Variants in RIPOR1 observed in about 807,000 individuals in gnomAD.
RIPOR1 encodes rho family-interacting cell polarization regulator 1.
Under a neutral mutation model 116.5 loss-of-function variants are expected in RIPOR1, and 58 were observed. That is an observed-to-expected ratio of 0.50 (90% CI 0.40 to 0.62). The LOEUF (loss-of-function observed/expected upper bound fraction) is 0.62, where lower values mean the gene tolerates loss of function less well. Among genes scored for constraint, RIPOR1 ranks in the 20% least tolerant of loss-of-function variants. The pLI is 0.00. For synonymous variants in RIPOR1, 605 were observed against 650.0 expected (o/e 0.93, Z 1.05); for missense variants, 1,372 against 1,586.2 (o/e 0.86, Z 2.29).
Position 67,546,527 on chromosome 16 carries a change from C to A in RIPOR1, c.*64C>A. ...ACTTTCAGGGCTCACCAGGCACTGG[C>A]AGGGAGGGTAAGGGCTGGCTCCAGA... On this transcript the variant is annotated 3_prime_UTR_variant, in exon 22 of 22. Coordinates refer to ENST00000042381, the MANE Select transcript of RIPOR1 (RefSeq NM_024519.4). 7.2e-7 allele frequency: 1 copy of A among 1,386,104 alleles called. No homozygotes were observed. Among genetic ancestry groups the A allele is most frequent in the Non-Finnish European group, 1.0e-6 (1 of 979,286 alleles). The allele number at this position is 1,386,104 out of a possible 1,614,324, so 85.9% of individuals were successfully genotyped here.
At position 67,542,913 on chromosome 16, in the gene RIPOR1, A is replaced by T. The variant is rs1310947524; in HGVS notation, c.2127A>T (p.Pro709=). ...CTGACTCCCTTCCCTGTAGTCCCCC[A>T]GTCTCCAATTCCTACACTCAGGCAG... ...PGTDSLPCSP[P]VSNSYTQADP... The change falls in exon 13 of 22, where the codon CCA becomes CCT. Residue 709 remains proline, a synonymous_variant. Coordinates refer to ENST00000042381, the MANE Select transcript of RIPOR1 (RefSeq NM_024519.4). The surrounding 1 kb of genome is among the most constrained non-coding windows in gnomAD (Gnocchi z 4.6). 6.2e-7 allele frequency: 1 copy of T among 1,605,738 alleles called. No individual in the cohort carries two copies. Among genetic ancestry groups the T allele is most frequent in the African/African-American group, 1.3e-5 (1 of 74,364 alleles).
rs1597655481 is a variant in RIPOR1, at chr16:67,544,224, G to A, written c.2601-75G>A. Reference sequence around the variant, plus strand: ...CTTCTTCCTTTCTGGCATGGGGGAAGCTTAATAAAAATAAACGCTGGTGAC... The same window carrying A: ...CTTCTTCCTTTCTGGCATGGGGGAAACTTAATAAAAATAAACGCTGGTGAC... On this transcript the variant is annotated intron_variant, in intron 14 of 21. Coordinates refer to ENST00000042381, the MANE Select transcript of RIPOR1 (RefSeq NM_024519.4). This position sits in a 1 kb window ranked among gnomAD's most constrained non-coding sequence, Gnocchi z 5.1. 2 of 1,524,086 alleles carry A rather than the reference G, an allele frequency of 1.3e-6. No homozygotes were observed. Among genetic ancestry groups the A allele is most frequent in the African/African-American group, 1.4e-5 (1 of 72,520 alleles). The allele number at this position is 1,524,086 out of a possible 1,614,324, so 94.4% of individuals were successfully genotyped here.
At chr16:67,534,529 CAT>C (rs1485803366) in intron 1 of RIPOR1, among the ~76,000 whole-genome samples, 1 of 152,348 alleles carries the variant, frequency 6.6e-6, no homozygotes, top group African/African-American at 2.4e-5. Flanking sequence ...AGAACACACT[CAT>C]ATAGAATCAG....
At position 67,543,142 on chromosome 16, in the gene RIPOR1, G is replaced by A. The variant is rs751110617; in HGVS notation, c.2356G>A (p.Gly786Arg). Residue 786 changes from glycine to arginine, a missense_variant, in exon 13 of 22, where the codon GGG (glycine) becomes AGG (arginine). By Grantham distance (125) the Gly-to-Arg change is moderately radical. Around this residue, in one of 3 missense-constraint regions of RIPOR1, gnomAD observed 1,005 missense variants for 1,144.7 expected, o/e 0.88. Coordinates refer to ENST00000042381, the MANE Select transcript of RIPOR1 (RefSeq NM_024519.4). The surrounding 1 kb of genome is among the most constrained non-coding windows in gnomAD (Gnocchi z 4.7). ...TPVPTAAGGSGDRSLEEALGA... is the reference protein window; with the variant it reads ...TPVPTAAGGSRDRSLEEALGA... ...AGTCCCAACGGCAGCCGGAGGGTCT[G>A]GGGACAGGAGCCTGGAGGAGGCACT... is the stretch of plus-strand genomic sequence containing the variant. 9.8e-6 allele frequency: 15 copies of A among 1,530,504 alleles called. No homozygotes were observed. The East Asian group carries it at 1.6e-4, about 16-fold the overall frequency. 94.8% of individuals were successfully genotyped at this position (1,530,504 alleles called of 1,614,324 possible).
chr16:67,538,373 G>A (rs1597637047), intron 1 of RIPOR1, 51 bp from the exon 2 acceptor site: 8 of 1,520,226 alleles, frequency 5.3e-6, no homozygotes, highest in African/African-American at 2.8e-5. Context: ...CTGCGTGGGA[G>A]AGGGCTTCGG....
intron 1 of RIPOR1, among the ~76,000 whole-genome samples, chr16:67,520,415 A>T (rs1323974021): frequency 7.9e-6 from 1 of 126,680 alleles, no homozygotes; most frequent in Non-Finnish European, 1.5e-5. Context: ...GAAGGAAGGG[A>T]TGGAAAAGAG....
upstream of RIPOR1, chr16:67,528,323 G>A (rs919368498): frequency 1.3e-5 from 2 of 152,290 alleles, no homozygotes; most frequent in African/African-American, 4.8e-5. Flanking sequence ...TTACCAGCCA[G>A]ACAGTGGCAG....
rs984848931 is a variant in RIPOR1 at position 67,541,085 on chromosome 16, T to A, written c.802-345T>A. 1.3e-5 allele frequency among the ~76,000 whole-genome samples: 2 copies of A among 151,790 alleles called. No homozygotes were observed. The highest frequency in any genetic ancestry group is 1.5e-5 in the Non-Finnish European group (1 of 67,938). Reference sequence around the variant, plus strand: ...ATGTGTCTGTCTATCTATCTAGGAGTTGGCGGGTCTCACTCTGTCACCCAG... The same window carrying A: ...ATGTGTCTGTCTATCTATCTAGGAGATGGCGGGTCTCACTCTGTCACCCAG... On this transcript the variant is annotated intron_variant, in intron 10 of 21. Transcript: ENST00000042381. This position sits in a 1 kb window ranked among gnomAD's most constrained non-coding sequence, Gnocchi z 4.6.
At chr16:67,522,583 C>G (rs915342734) in intron 1 of RIPOR1, among the ~76,000 whole-genome samples, 2 of 152,112 alleles carry the variant, frequency 1.3e-5, no homozygotes, top group African/African-American at 2.4e-5. Context: ...GATCTGCCCG[C>G]CTCAGCCACC....
chr16:67,526,345 A>G (rs569891499), upstream of RIPOR1, among the ~76,000 whole-genome samples: 26 of 152,328 alleles, frequency 1.7e-4, 1 homozygote, highest in South Asian at 3.5e-3. Flanking sequence ...CAGGGGCCGC[A>G]GAATAAGTGC....
Position 67,545,484 on chromosome 16 carries a change from C to T in RIPOR1, c.3140C>T (p.Thr1047Ile), listed in dbSNP as rs745868491. The T allele has an allele frequency of 1.2e-6, 2 of 1,614,040 alleles. No individual in the cohort carries two copies. The highest frequency in any genetic ancestry group is 1.1e-5 in the South Asian group (1 of 91,088). The change falls in exon 18 of 22, where the codon ACC (threonine) becomes ATC (isoleucine). Residue 1047 changes from threonine (T) to isoleucine (I), a missense_variant. Thr to Ile is a moderately conservative substitution (Grantham distance 89). Around this residue, in one of 3 missense-constraint regions of RIPOR1, gnomAD observed 1,005 missense variants for 1,144.7 expected, o/e 0.88. Transcript: ENST00000042381. This position sits in a 1 kb window ranked among gnomAD's most constrained non-coding sequence, Gnocchi z 4.8. ...TTCCAGTTCTGGAGTTTTGTGGAAA[C>T]CTTGGACAGCCCCACCATGGAGGCC... is the stretch of plus-strand genomic sequence containing the variant. ...TVFQFWSFVETLDSPTMEAYV... is the reference protein window; with the variant it reads ...TVFQFWSFVEILDSPTMEAYV...
chr16:67,527,197 G>A (rs1055688541), upstream of RIPOR1, among the ~76,000 whole-genome samples: 6 of 152,296 alleles, frequency 3.9e-5, no homozygotes, highest in East Asian at 9.6e-4. Flanking sequence ...GCCAAGGTGG[G>A]TGGATCGCTT....
chr16:67,542,949 C>T lies in RIPOR1; in HGVS notation c.2163C>T (p.Ala721=), dbSNP rs1431010754. 5 of 1,585,578 alleles carry T rather than the reference C, an allele frequency of 3.2e-6. No individual in the cohort carries two copies. The highest frequency in any genetic ancestry group is 3.4e-4 in the Middle Eastern group (2 of 5,896). ...CCTACACTCAGGCAGACCCTATGGC[C>T]CCCAGAACTCCCCACCCAAGTCCTG... is the stretch of plus-strand genomic sequence containing the variant. The part of the protein sequence containing the change: ...SNSYTQADPM[A]PRTPHPSPAH... The change falls in exon 13 of 22, where the codon GCC becomes GCT. Residue 721 remains alanine, a synonymous_variant. Transcript: ENST00000042381. The surrounding 1 kb of genome is among the most constrained non-coding windows in gnomAD (Gnocchi z 4.6).
intron 1 of RIPOR1, among the ~76,000 whole-genome samples, chr16:67,519,888 C>A (rs889420769): frequency 1.3e-5 from 2 of 151,442 alleles, no homozygotes; most frequent in East Asian, 3.9e-4. Flanking sequence ...ATGGTGAAAC[C>A]CTGTCTCTAC....
rs11410499 is a variant in RIPOR1, at chr16:67,533,804, CTT to C, written c.-23-4603_-23-4602del. Among the ~76,000 whole-genome samples the C allele has an allele frequency of 7.6e-3, 926 of 121,262 alleles. 2 individuals carry two copies. Among genetic ancestry groups the C allele is most frequent in the African/African-American group, 0.014 (467 of 32,346 alleles). The allele number at this position is 121,262 out of a possible 152,430, so 79.6% of individuals were successfully genotyped here. A position where few individuals can be genotyped will look rare whatever the true frequency, so the allele number is the denominator to read the frequency against. ...CAAAGACAGAAGGTCCACAAGCAGT[CTT>C]TTTTTTTTTTTTTTTTCTGAGATGG... On this transcript the variant is annotated intron_variant, in intron 1 of 21. Transcript: ENST00000042381.
In RIPOR1 at chr16:67,540,630, G is replaced by C. The variant is rs1306713066; in HGVS notation, c.727G>C (p.Gly243Arg). Residue 243 changes from glycine (G) to arginine (R), a missense_variant, in exon 10 of 22, where the codon GGT becomes CGT. Physicochemically the swap from Gly to Arg is moderately radical, Grantham distance 125 (BLOSUM62 -2). Transcript: ENST00000042381. The surrounding 1 kb of genome is among the most constrained non-coding windows in gnomAD (Gnocchi z 4.7). ...QRWKLRGRIE[G>R]SGKQVWDSEE... ...CTGGAAACTACGGGGCCGAATTGAG[G>C]GTAGTGGAAAGCAGGTGTGGGACAG... 1 of 1,613,912 alleles carries C rather than the reference G, an allele frequency of 6.2e-7. No homozygotes were observed. The highest frequency in any genetic ancestry group is 8.5e-7 in the Non-Finnish European group (1 of 1,179,888).
At chr16:67,522,592 C>T (rs1353474429) in intron 1 of RIPOR1, among the ~76,000 whole-genome samples, 1 of 152,144 alleles carries the variant, frequency 6.6e-6, no homozygotes, top group Non-Finnish European at 1.5e-5. Context: ...GCCTCAGCCA[C>T]CCAAAGTGTT....
At chr16:67,528,107 C>T (rs2050562658), upstream of RIPOR1, among the ~76,000 whole-genome samples, 1 of 152,008 alleles carries the variant, frequency 6.6e-6, no homozygotes, top group African/African-American at 2.4e-5. Flanking sequence ...GTGGAACTGG[C>T]CCTTTGACCC....
chr16:67,520,368 AC>A (rs1030769388), intron 1 of RIPOR1, among the ~76,000 whole-genome samples: 5 of 149,668 alleles, frequency 3.3e-5, no homozygotes, highest in African/African-American at 1.2e-4. Context: ...TGACAGTGAG[AC>A]CCCATCTCAA....
Sources: allele counts gnomAD v4.1 joint callset (sites outside exome capture counted in the v4.1 genomes callset), GRCh38; gene constraint gnomAD v4.1.1; regional missense constraint gnomAD v4.1.1; non-coding constraint Gnocchi (gnomAD v3.1); transcripts MANE v1.5; gene names NCBI Gene and HGNC (gene_info 2026-07-23, HGNC 2026-07-21).